ATP10B: variants seen among roughly 807,000 people sequenced by gnomAD.
The protein encoded by ATP10B is phospholipid-transporting ATPase VB.
ATP10B carries 122 observed loss-of-function variants against 141.2 expected under a neutral mutation model. That is an observed-to-expected ratio of 0.86 (90% CI 0.75 to 1.00). The LOEUF is 1.00. Ranked by LOEUF, ATP10B falls within the 50% of genes least tolerant of loss-of-function variation. ATP10B has a pLI of 0.00. For missense variants in ATP10B, 1,876 were observed against 1,825.3 expected (o/e 1.03, Z -0.51); for synonymous variants, 685 against 692.0 (o/e 0.99, Z 0.16).
intron 1 of ATP10B, among the ~76,000 whole-genome samples, chr5:160,811,702 A>T (rs1773163830): frequency 6.6e-6 from 1 of 152,134 alleles, no homozygotes; most frequent in Non-Finnish European, 1.5e-5. Flanking sequence ...GTAGATTTCT[A>T]AGGTTTTTGA....
chr5:160,893,771 G>C, the ATP10B span, among the ~76,000 whole-genome samples: 1 of 152,162 alleles, frequency 6.6e-6, no homozygotes, highest in Non-Finnish European at 1.5e-5. Flanking sequence ...AGCAGGGGTC[G>C]ACAGACACCT....
At chr5:160,820,420 G>A (rs1581597592) in intron 1 of ATP10B, among the ~76,000 whole-genome samples, 1 of 151,838 alleles carries the variant, frequency 6.6e-6, no homozygotes, top group Non-Finnish European at 1.5e-5. Flanking sequence ...ACAAAAAAAA[G>A]CCTGGGACCT....
chr5:160,892,916 T>A, the ATP10B span, among the ~76,000 whole-genome samples: 1 of 152,122 alleles, frequency 6.6e-6, no homozygotes, highest in Admixed American at 6.5e-5. Flanking sequence ...CAGGGTGAGA[T>A]GTCATGTAAC....
chr5:160,840,335 C>T lies in ATP10B; in HGVS notation c.-576+11606G>A, dbSNP rs142412472. Among the ~76,000 whole-genome samples, 180 of 151,800 alleles carry T rather than the reference C, an allele frequency of 1.2e-3. 6 individuals carry two copies. The East Asian group carries it at 0.023, about 19-fold the overall frequency. On this transcript the variant is annotated intron_variant, in intron 1 of 25. Coordinates refer to ENST00000327245, the MANE Select transcript of ATP10B (RefSeq NM_025153.3). ...TATGAAGGGGGTATAGTCCTATTAA[C>T]ACTGTAAAGACTATAATTAAAATAG...
intron 7 of ATP10B, among the ~76,000 whole-genome samples, chr5:160,664,549 TC>T (rs1762202042): frequency 6.6e-6 from 1 of 152,204 alleles, no homozygotes; most frequent in African/African-American, 2.4e-5. Context: ...TTATTGATGC[TC>T]TAGGCCAGTG....
chr5:160,821,650 A>C (rs1057476878), intron 1 of ATP10B, among the ~76,000 whole-genome samples: 2 of 152,128 alleles, frequency 1.3e-5, no homozygotes, highest in African/African-American at 4.8e-5. Context: ...GTACCGGCAT[A>C]AAAACAGACA....
chr5:160,876,661 G>A, the ATP10B span, among the ~76,000 whole-genome samples: 8 of 152,172 alleles, frequency 5.3e-5, no homozygotes, highest in East Asian at 1.4e-3. Context: ...AGAAAAAAGA[G>A]AGTAGAATCA....
chr5:160,693,479 C>T (rs187121825), intron 3 of ATP10B, among the ~76,000 whole-genome samples: 16 of 149,178 alleles, frequency 1.1e-4, no homozygotes, highest in East Asian at 6.0e-4. Flanking sequence ...GGGAAGGGCT[C>T]GTGGGAAAAG....
At chr5:160,593,540 C>T (rs963420001) in intron 22 of ATP10B, among the ~76,000 whole-genome samples, 36 of 152,248 alleles carry the variant, frequency 2.4e-4, no homozygotes, top group African/African-American at 8.7e-4. Context: ...CGTAGTTCCT[C>T]ACCAGCAATG....
chr5:160,666,671 C>G (rs958351646), intron 7 of ATP10B, among the ~76,000 whole-genome samples: 1 of 152,162 alleles, frequency 6.6e-6, no homozygotes, highest in Non-Finnish European at 1.5e-5. Context: ...CCGAGTTAGC[C>G]AGAAGCGAGT....
At chr5:160,717,144 G>A (rs907288966) in intron 2 of ATP10B, 110 bp from the exon 3 acceptor site, 4 of 789,988 alleles carry the variant, frequency 5.1e-6, no homozygotes, top group African/African-American at 3.7e-5. Flanking sequence ...AAACTATATT[G>A]TTTTGAATTT....
At position 160,785,689 on chromosome 5, in the gene ATP10B, T is replaced by C. The variant is rs1362075629; in HGVS notation, c.-461A>G. On this transcript the variant is annotated 5_prime_UTR_variant, in exon 2 of 26. Coordinates refer to ENST00000327245, the MANE Select transcript of ATP10B (RefSeq NM_025153.3). ...TTCTCATCTTGGCAGTGGAGAGGAG[T>C]TCATTATCTCCACTGAGTGAGATGA... 5 of 1,287,592 alleles carry C rather than the reference T, an allele frequency of 3.9e-6. No homozygotes were observed. In the East Asian group the frequency reaches 2.2e-4, roughly 57 times the overall value. The allele number at this position is 1,287,592 out of a possible 1,614,324, so 79.8% of individuals were successfully genotyped here. A position where few individuals can be genotyped will look rare whatever the true frequency, so the allele number is the denominator to read the frequency against.
At chr5:160,863,841 T>C in the ATP10B span, among the ~76,000 whole-genome samples, 1 of 151,658 alleles carries the variant, frequency 6.6e-6, no homozygotes, top group African/African-American at 2.4e-5. Flanking sequence ...AACTAGAAAA[T>C]ATAGAGGAGA....
At chr5:160,851,054 G>GC (rs1209760572) in intron 1 of ATP10B, among the ~76,000 whole-genome samples, 1 of 152,218 alleles carries the variant, frequency 6.6e-6, no homozygotes, top group Non-Finnish European at 1.5e-5. Context: ...TGGAAACAGA[G>GC]AAGAAACTGT....
chr5:160,664,043 A>T (rs1762158413), intron 7 of ATP10B, among the ~76,000 whole-genome samples: 1 of 152,202 alleles, frequency 6.6e-6, no homozygotes, highest in African/African-American at 2.4e-5. Flanking sequence ...TCTCTTCTTG[A>T]TATTTTATAC....
At chr5:160,652,688 T>A (rs1452284851) in intron 7 of ATP10B, among the ~76,000 whole-genome samples, 1 of 130,370 alleles carries the variant, frequency 7.7e-6, no homozygotes, top group African/African-American at 2.9e-5. Flanking sequence ...TAAATACATA[T>A]GTATAAATAA....
At chr5:160,700,160 A>C (rs929219997) in intron 3 of ATP10B, among the ~76,000 whole-genome samples, 1 of 152,202 alleles carries the variant, frequency 6.6e-6, no homozygotes, top group Non-Finnish European at 1.5e-5. Context: ...GAGGAATTTT[A>C]GAAGTTGTGG....
At chr5:160,615,444 T>A (rs1757944058) in intron 17 of ATP10B, among the ~76,000 whole-genome samples, 1 of 151,036 alleles carries the variant, frequency 6.6e-6, no homozygotes. Flanking sequence ...TGCTCGATCA[T>A]CTAGTATCCT....
the ATP10B span, among the ~76,000 whole-genome samples, chr5:160,877,153 G>A: frequency 1.3e-5 from 2 of 152,094 alleles, no homozygotes; most frequent in Non-Finnish European, 1.5e-5. Flanking sequence ...CTGGCAAAAC[G>A]AATCCAGCTG....
Sources: allele counts gnomAD v4.1 joint callset (sites outside exome capture counted in the v4.1 genomes callset), GRCh38; gene constraint gnomAD v4.1.1; transcripts MANE v1.5; gene names NCBI Gene and HGNC (gene_info 2026-07-23, HGNC 2026-07-21).